Variants in ZNF608 observed in about 807,000 individuals in gnomAD.
ZNF608 encodes zinc finger protein 608, also known as renal carcinoma antigen NY-REN-36.
A neutral mutation model predicts 109.0 loss-of-function variants in ZNF608; 12 were observed. The observed-to-expected ratio is 0.11, with a 90% CI of 0.07 to 0.18. ZNF608 has a LOEUF of 0.18. Ranked by LOEUF, ZNF608 falls within the 10% of genes least tolerant of loss-of-function variation. The pLI, the probability that ZNF608 is intolerant of heterozygous loss-of-function variation, is 1.00. For synonymous variants in ZNF608, 732 were observed against 717.4 expected (o/e 1.02, Z -0.33); for missense variants, 1,707 against 1,879.3 (o/e 0.91, Z 1.70).
chr5:124,678,585 G>A (rs1388250677), intron 3 of ZNF608, among the ~76,000 whole-genome samples: 3 of 152,196 alleles, frequency 2.0e-5, no homozygotes, highest in African/African-American at 7.2e-5. Context: ...CATCTAGACT[G>A]GCAGGCAAAG....
At chr5:124,735,414 C>G (rs1489718442) in intron 2 of ZNF608, among the ~76,000 whole-genome samples, 1 of 152,186 alleles carries the variant, frequency 6.6e-6, no homozygotes, top group Non-Finnish European at 1.5e-5. Flanking sequence ...GCCCCGGGCC[C>G]GAGGTGCCAG....
upstream of ZNF608, chr5:124,748,470 C>T: frequency 1.1e-6 from 1 of 911,340 alleles, no homozygotes; most frequent in Non-Finnish European, 1.3e-6. Flanking sequence ...AAAACTCGCA[C>T]ATTCCCCTGC....
Position 124,701,128 on chromosome 5 carries a change from C to A in ZNF608, c.1048G>T (p.Val350Leu). ...CCAACTTCACATGTATTGACACCCA[C>A]AGAACGAGTCCGAACCAAAAGCTGT... ...VEQLLVRTRS[V>L]GVNTCEVGVV... The change falls in exon 3 of 10, where the codon GTG becomes TTG. Residue 350 changes from valine (V) to leucine (L), a missense_variant. Val to Leu is a conservative substitution (Grantham distance 32). Around this residue, in one of 7 missense-constraint regions of ZNF608, gnomAD observed 407 missense variants for 398.7 expected, o/e 1.02. Coordinates refer to ENST00000513986, the MANE Select transcript of ZNF608 (RefSeq NM_020747.3). The A allele has an allele frequency of 1.9e-6, 3 of 1,614,174 alleles. No individual in the cohort carries two copies. The highest frequency in any genetic ancestry group is 2.5e-6 in the Non-Finnish European group (3 of 1,180,014).
In ZNF608 at chr5:124,681,190, C is replaced by T. The variant is rs900877037; in HGVS notation, c.1162+19824G>A. Reference sequence around the variant, plus strand: ...ATCCCAGGCCAGGTGCGGTGGCTCACGCCTGTAATCCCAACACTTTGGGAG... The same window carrying T: ...ATCCCAGGCCAGGTGCGGTGGCTCATGCCTGTAATCCCAACACTTTGGGAG... On this transcript the variant is annotated intron_variant, in intron 3 of 9. Transcript: ENST00000513986. 3.5e-4 allele frequency among the ~76,000 whole-genome samples: 53 copies of T among 152,210 alleles called. 1 individual carries two copies. The highest frequency in any genetic ancestry group is 1.2e-3 in the Admixed American group (18 of 15,284).
At chr5:124,711,934 G>GA (rs1753507520) in intron 2 of ZNF608, among the ~76,000 whole-genome samples, 1 of 152,162 alleles carries the variant, frequency 6.6e-6, no homozygotes, top group Non-Finnish European at 1.5e-5. Flanking sequence ...AAGCACACTG[G>GA]AAGCCATGGG....
chr5:124,740,612 G>A (rs933171489), intron 2 of ZNF608, among the ~76,000 whole-genome samples: 5 of 151,370 alleles, frequency 3.3e-5, no homozygotes, highest in African/African-American at 9.7e-5. Flanking sequence ...CCCTGGTGAA[G>A]TATAAAAAGG....
intron 3 of ZNF608, among the ~76,000 whole-genome samples, chr5:124,688,571 ATG>A (rs1361827580): frequency 1.3e-5 from 2 of 152,234 alleles, no homozygotes; most frequent in Non-Finnish European, 1.5e-5. Flanking sequence ...GTTAGGCAAT[ATG>A]TGTTTCTACT....
chr5:124,709,017 CA>C (rs1173130138), intron 2 of ZNF608, among the ~76,000 whole-genome samples: 1 of 151,774 alleles, frequency 6.6e-6, no homozygotes, highest in Non-Finnish European at 1.5e-5. Context: ...ACTAAAAATA[CA>C]AAAATTAGCT....
At chr5:124,722,987 A>C (rs897176792) in intron 2 of ZNF608, among the ~76,000 whole-genome samples, 6 of 152,136 alleles carry the variant, frequency 3.9e-5, no homozygotes, top group Non-Finnish European at 8.8e-5. Flanking sequence ...AGACCATAAA[A>C]ATAGTTCAAC....
intron 3 of ZNF608, among the ~76,000 whole-genome samples, chr5:124,663,597 C>T (rs1388970657): frequency 6.6e-6 from 1 of 152,188 alleles, no homozygotes; most frequent in Non-Finnish European, 1.5e-5. Flanking sequence ...GAGAAATTTT[C>T]AGCCACAAAA....
chr5:124,668,716 C>A (rs1468993652), intron 3 of ZNF608, among the ~76,000 whole-genome samples: 1 of 152,162 alleles, frequency 6.6e-6, no homozygotes, highest in Non-Finnish European at 1.5e-5. Context: ...GCTGGGAGGC[C>A]TGACCCACGC....
chr5:124,730,219 A>C (rs1030485665), intron 2 of ZNF608, among the ~76,000 whole-genome samples: 1 of 152,370 alleles, frequency 6.6e-6, no homozygotes, highest in Admixed American at 6.5e-5. Flanking sequence ...AAACACTGGC[A>C]ACAATGTGAT....
Position 124,649,663 on chromosome 5 carries a change from T to C in ZNF608, c.1197A>G (p.Lys399=), listed in dbSNP as rs376423727. 1 of 1,609,764 alleles carries C rather than the reference T, an allele frequency of 6.2e-7. No homozygotes were observed. Among genetic ancestry groups the C allele is most frequent in the Non-Finnish European group, 8.5e-7 (1 of 1,176,970 alleles). The change falls in exon 4 of 10, where the codon AAA becomes AAG. Residue 399 remains lysine, a synonymous_variant. Coordinates refer to ENST00000513986, the MANE Select transcript of ZNF608 (RefSeq NM_020747.3). ...VLVVNVTWRN[K]TYVGTLLDCT... Reference sequence around the variant, plus strand: ...AGTCCAGTAGGGTTCCCACGTACGTTTTGTTCCTCCACGTGACATTGACCA... The same window carrying C: ...AGTCCAGTAGGGTTCCCACGTACGTCTTGTTCCTCCACGTGACATTGACCA...
At chr5:124,740,198 G>A (rs928287290) in intron 2 of ZNF608, among the ~76,000 whole-genome samples, 1 of 152,170 alleles carries the variant, frequency 6.6e-6, no homozygotes, top group African/African-American at 2.4e-5. Context: ...TCAGAATTCA[G>A]TGATGGGTCT....
At chr5:124,687,500 T>C (rs771810746) in intron 3 of ZNF608, among the ~76,000 whole-genome samples, 26 of 152,208 alleles carry the variant, frequency 1.7e-4, no homozygotes, top group Admixed American at 6.5e-5. Context: ...TGTATGTATA[T>C]AATAAATGCT....
chr5:124,644,674 T>G lies in ZNF608; in HGVS notation c.3706-13A>C. On this transcript the variant is annotated splice_polypyrimidine_tract_variant and intron_variant, in intron 5 of 9. Coordinates refer to ENST00000513986, the MANE Select transcript of ZNF608 (RefSeq NM_020747.3). ...TTGAATCTGGGTCCTGATTTTTTTGTTTTAAAGAAAAAAAACCCAACAGAT... is the reference window on the plus strand; with the variant it reads ...TTGAATCTGGGTCCTGATTTTTTTGGTTTAAAGAAAAAAAACCCAACAGAT... The G allele has an allele frequency of 6.6e-7, 1 of 1,524,030 alleles. No individual in the cohort carries two copies. The highest frequency in any genetic ancestry group is 8.8e-7 in the Non-Finnish European group (1 of 1,138,580). 94.4% of individuals were successfully genotyped at this position (1,524,030 alleles called of 1,614,324 possible). A position where few individuals can be genotyped will look rare whatever the true frequency, so the allele number is the denominator to read the frequency against.
At chr5:124,736,688 A>G (rs1330190281) in intron 2 of ZNF608, among the ~76,000 whole-genome samples, 2 of 152,132 alleles carry the variant, frequency 1.3e-5, no homozygotes, top group Non-Finnish European at 2.9e-5. Context: ...AAGGACAAAA[A>G]GGTATACCAA....
chr5:124,664,353 T>C (rs965987150), intron 3 of ZNF608, among the ~76,000 whole-genome samples: 3 of 152,226 alleles, frequency 2.0e-5, no homozygotes, highest in African/African-American at 2.4e-5. Flanking sequence ...CACTGAATCT[T>C]GGTGAAGTTG....
At chr5:124,714,465 A>G (rs1753616658) in intron 2 of ZNF608, among the ~76,000 whole-genome samples, 2 of 152,166 alleles carry the variant, frequency 1.3e-5, no homozygotes, top group Non-Finnish European at 2.9e-5. Context: ...TGTCTCACTA[A>G]TGCTTTTGAA....
Sources: allele counts gnomAD v4.1 joint callset (sites outside exome capture counted in the v4.1 genomes callset), GRCh38; gene constraint gnomAD v4.1.1; regional missense constraint gnomAD v4.1.1; transcripts MANE v1.5; gene names NCBI Gene and HGNC (gene_info 2026-07-23, HGNC 2026-07-21).